Variants in CUBN observed in about 807,000 individuals in gnomAD.
The protein encoded by CUBN is cubilin.
CUBN carries 282 observed loss-of-function variants against 405.3 expected under a neutral mutation model. The ratio of observed to expected loss-of-function variants is 0.70; its 90% CI spans 0.63 to 0.77. The LOEUF is 0.77. Among genes scored for constraint, CUBN ranks in the 30% least tolerant of loss-of-function variants. The pLI, the probability that CUBN is intolerant of heterozygous loss-of-function variation, is 0.00. For missense variants in CUBN, 4,514 were observed against 4,475.2 expected (o/e 1.01, Z -0.25); for synonymous variants, 1,684 against 1,617.0 (o/e 1.04, Z -0.99).
intron 59 of CUBN, among the ~76,000 whole-genome samples, chr10:16,859,500 T>C (rs935439221): frequency 2.0e-5 from 3 of 152,102 alleles, no homozygotes; most frequent in African/African-American, 7.2e-5. Flanking sequence ...AGGGGAGGGA[T>C]GGGGGTCCCC....
chr10:17,040,919 T>C (rs1588604435), intron 27 of CUBN, 114 bp downstream of exon 27: 3 of 944,078 alleles, frequency 3.2e-6, no homozygotes, highest in African/African-American at 1.6e-5. Context: ...TGGTGTGTTA[T>C]AGATGCGTGG....
chr10:17,060,224 C>G (rs1452753413), intron 22 of CUBN, among the ~76,000 whole-genome samples: 1 of 152,022 alleles, frequency 6.6e-6, no homozygotes, highest in Non-Finnish European at 1.5e-5. Flanking sequence ...CAGGTTCAAG[C>G]AATTCTCCTG....
intron 41 of CUBN, among the ~76,000 whole-genome samples, chr10:16,927,704 A>G (rs1842230344): frequency 6.6e-6 from 1 of 152,162 alleles, no homozygotes; most frequent in Non-Finnish European, 1.5e-5. Flanking sequence ...TGACTCATCA[A>G]ATTCATATTT....
intron 45 of CUBN, 126 bp from the exon 46 acceptor site, chr10:16,916,156 T>C: frequency 1.2e-6 from 1 of 809,070 alleles, no homozygotes; most frequent in Non-Finnish European, 2.0e-6. Flanking sequence ...CAAGTGACTC[T>C]GAATTGAAGT....
chr10:16,950,433 T>C (rs550471206), intron 33 of CUBN, among the ~76,000 whole-genome samples: 20 of 152,030 alleles, frequency 1.3e-4, no homozygotes, highest in Non-Finnish European at 2.8e-4. Flanking sequence ...CATATATACA[T>C]CTACTATGTA....
intron 59 of CUBN, among the ~76,000 whole-genome samples, chr10:16,858,918 C>T (rs532050514): frequency 6.6e-6 from 1 of 152,226 alleles, no homozygotes; most frequent in African/African-American, 2.4e-5. Context: ...AATTGGACAT[C>T]CAGAGGCAAA....
At chr10:16,987,252 A>G (rs1039109701) in intron 29 of CUBN, among the ~76,000 whole-genome samples, 1 of 152,234 alleles carries the variant, frequency 6.6e-6, no homozygotes, top group Non-Finnish European at 1.5e-5. Context: ...CCGATAGTAC[A>G]TGACTCTTCA....
chr10:17,050,842 C>T (rs1425356323), intron 22 of CUBN, among the ~76,000 whole-genome samples: 4 of 152,084 alleles, frequency 2.6e-5, no homozygotes, highest in Non-Finnish European at 5.9e-5. Flanking sequence ...GTTAGAGGGG[C>T]TCGAGAAACA....
rs1036585243 is a variant in CUBN, at chr10:17,048,597, C to T, written c.3140-994G>A. Among the ~76,000 whole-genome samples the T allele has an allele frequency of 3.9e-5, 6 of 152,134 alleles. No homozygotes were observed. In the South Asian group the frequency reaches 6.2e-4, roughly 16 times the overall value. ...AGTTCAAGCAATTCTCCTGTCTCAG[C>T]CTCCCCAGCAGCTGGGACTACAAGC... is the stretch of plus-strand genomic sequence containing the variant. On this transcript the variant is annotated intron_variant, in intron 22 of 66. Coordinates refer to ENST00000377833, the MANE Select transcript of CUBN (RefSeq NM_001081.4).
chr10:17,087,466 C>CTTTTTTTTT (rs879308596), intron 15 of CUBN, among the ~76,000 whole-genome samples: 2,411 of 79,222 alleles, frequency 0.03, 450 homozygotes, highest in Non-Finnish European at 0.039. Flanking sequence ...TATTATTTTT[C>CTTTTTTTTT]TTTTTCTTTT....
intron 64 of CUBN, among the ~76,000 whole-genome samples, chr10:16,832,092 C>A (rs991042622): frequency 6.6e-6 from 1 of 150,838 alleles, no homozygotes; most frequent in African/African-American, 2.4e-5. Flanking sequence ...GGAGATGAGC[C>A]TGTGTTTTAT....
chr10:17,021,152 C>A (rs1834490325), intron 27 of CUBN, among the ~76,000 whole-genome samples: 2 of 151,480 alleles, frequency 1.3e-5, no homozygotes, highest in Non-Finnish European at 2.9e-5. Flanking sequence ...ATTTAGATTT[C>A]TTCTCTTGTA....
At chr10:16,876,660 T>C (rs552671236) in intron 57 of CUBN, among the ~76,000 whole-genome samples, 2 of 152,278 alleles carry the variant, frequency 1.3e-5, no homozygotes, top group African/African-American at 2.4e-5. Flanking sequence ...ACAAAACAAA[T>C]GTCAATTCTT....
intron 27 of CUBN, among the ~76,000 whole-genome samples, chr10:17,022,734 G>A (rs1834531800): frequency 1.3e-5 from 2 of 152,136 alleles, no homozygotes; most frequent in African/African-American, 4.8e-5. Flanking sequence ...AAACTAATTA[G>A]CACAGAAACA....
At chr10:16,903,670 TATTA>T (rs1377960735) in intron 51 of CUBN, among the ~76,000 whole-genome samples, 2 of 147,768 alleles carry the variant, frequency 1.4e-5, no homozygotes, top group Non-Finnish European at 3.0e-5. Flanking sequence ...TATTTATTAT[TATTA>T]ATTATTAAAT....
chr10:17,082,418 C>T (rs181532430), intron 17 of CUBN, among the ~76,000 whole-genome samples: 69 of 152,262 alleles, frequency 4.5e-4, no homozygotes, highest in Non-Finnish European at 8.2e-4. Context: ...GCAAACTTTT[C>T]AGAAGAATTC....
chr10:16,969,497 G>A (rs942584887), intron 31 of CUBN, among the ~76,000 whole-genome samples: 7 of 152,126 alleles, frequency 4.6e-5, no homozygotes, highest in Non-Finnish European at 7.4e-5. Flanking sequence ...TGGGACTACA[G>A]GTATGCACCA....
At chr10:17,097,078 CA>C (rs1236536724) in intron 14 of CUBN, among the ~76,000 whole-genome samples, 4 of 151,764 alleles carry the variant, frequency 2.6e-5, no homozygotes, top group Non-Finnish European at 5.9e-5. Flanking sequence ...CAAAATAACA[CA>C]AGGGAAGAAA....
intron 59 of CUBN, among the ~76,000 whole-genome samples, chr10:16,854,905 C>T (rs1839822684): frequency 6.6e-6 from 1 of 151,626 alleles, no homozygotes; most frequent in African/African-American, 2.4e-5. Flanking sequence ...ATCCATCCTC[C>T]CTCCTTTCCT....
Sources: allele counts gnomAD v4.1 joint callset (sites outside exome capture counted in the v4.1 genomes callset), GRCh38; gene constraint gnomAD v4.1.1; transcripts MANE v1.5; gene names NCBI Gene and HGNC (gene_info 2026-07-23, HGNC 2026-07-21).